Variants in ADAMTS18 observed in about 807,000 individuals in gnomAD.
The protein encoded by ADAMTS18 is A disintegrin and metalloproteinase with thrombospondin motifs 18.
In ADAMTS18, 157 loss-of-function variants were observed where a neutral mutation model predicts 165.9. That is an observed-to-expected ratio of 0.95 (90% CI 0.83 to 1.08). The LOEUF (loss-of-function observed/expected upper bound fraction) is 1.08, where lower values mean the gene tolerates loss of function less well. Ranked by LOEUF, ADAMTS18 falls within the 50% of genes least tolerant of loss-of-function variation. The pLI, the probability that ADAMTS18 is intolerant of heterozygous loss-of-function variation, is 0.00. For missense variants in ADAMTS18, 2,040 were observed against 1,534.0 expected, an observed-to-expected ratio of 1.33 and a Z score of -5.51; for synonymous variants, 782 against 578.2, an observed-to-expected ratio of 1.35 and a Z score of -5.06.
Position 77,319,867 on chromosome 16 carries a change from A to T in ADAMTS18, c.2514T>A (p.Asn838Lys). Residue 838 changes from asparagine to lysine, a missense_variant, in exon 16 of 23, where the codon AAT (asparagine) becomes AAA (lysine). Transcript: ENST00000282849. ...PERLYAPGPT[N>K]ETLVFEILMQ... Reference sequence around the variant, plus strand: ...GGCTTACTTCAAAGACCAGCGTCTCATTTGTGGGCCCTGGCGCGTACAGAC... The same window carrying T: ...GGCTTACTTCAAAGACCAGCGTCTCTTTTGTGGGCCCTGGCGCGTACAGAC... 6.2e-7 allele frequency: 1 copy of T among 1,613,772 alleles called. No homozygotes were observed. The highest frequency in any genetic ancestry group is 8.5e-7 in the Non-Finnish European group (1 of 1,179,642).
intron 17 of ADAMTS18, among the ~76,000 whole-genome samples, chr16:77,298,177 A>G (rs2055512360): frequency 6.6e-6 from 1 of 151,582 alleles, no homozygotes; most frequent in African/African-American, 2.4e-5. Context: ...TCAGCCCCCA[A>G]AGTGCTGGTA....
chr16:77,288,585 T>C (rs2055301078), intron 22 of ADAMTS18, among the ~76,000 whole-genome samples: 1 of 152,184 alleles, frequency 6.6e-6, no homozygotes, highest in Non-Finnish European at 1.5e-5. Context: ...CATTTAGGTA[T>C]AGTCCTAGGG....
chr16:77,288,434 C>T (rs1051804796), intron 22 of ADAMTS18, among the ~76,000 whole-genome samples: 2 of 151,508 alleles, frequency 1.3e-5, no homozygotes, highest in South Asian at 2.1e-4. Flanking sequence ...TTCTTTAGCA[C>T]GAGGCAAGCA....
At chr16:77,372,008 G>T (rs2056883072) in intron 3 of ADAMTS18, among the ~76,000 whole-genome samples, 1 of 151,996 alleles carries the variant, frequency 6.6e-6, no homozygotes, top group Non-Finnish European at 1.5e-5. Context: ...TGGCCAACAG[G>T]GGTATATGAA....
At chr16:77,287,153 A>G (rs2055269601) in intron 22 of ADAMTS18, among the ~76,000 whole-genome samples, 1 of 152,102 alleles carries the variant, frequency 6.6e-6, no homozygotes. Flanking sequence ...TAAGGGGAGG[A>G]AACTCTCACA....
chr16:77,326,689 G>A (rs1024937013), intron 12 of ADAMTS18, among the ~76,000 whole-genome samples: 4 of 152,124 alleles, frequency 2.6e-5, no homozygotes, highest in Admixed American at 1.3e-4. Flanking sequence ...AGCCTGAAAG[G>A]ATATTCTTTT....
At chr16:77,363,218 T>C (rs942004929) in intron 6 of ADAMTS18, among the ~76,000 whole-genome samples, 15 of 152,344 alleles carry the variant, frequency 9.8e-5, no homozygotes, top group African/African-American at 3.6e-4. Context: ...GTTCTGGTTT[T>C]CATAATTTGC....
At chr16:77,388,002 C>T (rs1235195206) in intron 3 of ADAMTS18, among the ~76,000 whole-genome samples, 1 of 152,190 alleles carries the variant, frequency 6.6e-6, no homozygotes, top group Non-Finnish European at 1.5e-5. Context: ...GATGGCAGAG[C>T]TTTCCACTGT....
chr16:77,336,082 C>T (rs1273709793), intron 11 of ADAMTS18, among the ~76,000 whole-genome samples, 178 bp from the exon 12 acceptor site: 1 of 152,178 alleles, frequency 6.6e-6, no homozygotes, highest in Non-Finnish European at 1.5e-5. Context: ...CTGCATTGAC[C>T]ACATCCATTT....
At chr16:77,408,283 A>G (rs2057417538) in intron 3 of ADAMTS18, among the ~76,000 whole-genome samples, 1 of 152,208 alleles carries the variant, frequency 6.6e-6, no homozygotes, top group Admixed American at 6.5e-5. Context: ...ACCACTTCAG[A>G]AAACTGACAT....
intron 4 of ADAMTS18, among the ~76,000 whole-genome samples, chr16:77,366,418 C>T (rs2056794665): frequency 1.3e-5 from 2 of 151,974 alleles, no homozygotes; most frequent in Non-Finnish European, 2.9e-5. Flanking sequence ...ATTAGCTTGG[C>T]GTGCTGGCGT....
chr16:77,291,276 G>A lies in ADAMTS18; in HGVS notation c.3392C>T (p.Pro1131Leu), dbSNP rs376770364. ...YNMVAGWYSLPWQQCTVTCGG... is the reference protein window; with the variant it reads ...YNMVAGWYSLLWQQCTVTCGG... ...TCGGCCTGTACCCACCTGCTGCCAC[G>A]GCAATGAATACCATCCAGCTACCAT... The change falls in exon 21 of 23, where the codon CCG becomes CTG. Residue 1131 changes from proline (P) to leucine (L), a missense_variant. Pro to Leu is a moderately conservative substitution (Grantham distance 98, BLOSUM62 -3). Transcript: ENST00000282849. 5.0e-6 allele frequency: 8 copies of A among 1,613,872 alleles called. No homozygotes were observed. The African/African-American group carries it at 6.7e-5, about 13-fold the overall frequency.
chr16:77,382,809 G>A (rs2057050985), intron 3 of ADAMTS18, among the ~76,000 whole-genome samples: 1 of 152,212 alleles, frequency 6.6e-6, no homozygotes, highest in African/African-American at 2.4e-5. Context: ...ATGGGAACAT[G>A]CAGCCAACCT....
intron 13 of ADAMTS18, among the ~76,000 whole-genome samples, chr16:77,323,543 G>C (rs976610921): frequency 6.4e-5 from 9 of 140,010 alleles, no homozygotes; most frequent in African/African-American, 2.4e-4. Flanking sequence ...AAATTAACAA[G>C]TTTTAGAAAG....
intron 7 of ADAMTS18, among the ~76,000 whole-genome samples, chr16:77,360,174 G>T (rs1020319551): frequency 6.6e-6 from 1 of 152,204 alleles, no homozygotes; most frequent in South Asian, 2.1e-4. Flanking sequence ...CAAGACGGAA[G>T]TGAGATCAGC....
intron 14 of ADAMTS18, 42 bp downstream of exon 14, chr16:77,322,294 A>C (rs374057685): frequency 1.9e-6 from 3 of 1,611,682 alleles, no homozygotes; most frequent in African/African-American, 1.3e-5. Context: ...ATGATAAAAC[A>C]CAAGCATGCT....
At chr16:77,307,207 C>T (rs2055697434) in intron 16 of ADAMTS18, among the ~76,000 whole-genome samples, 1 of 152,172 alleles carries the variant, frequency 6.6e-6, no homozygotes, top group Admixed American at 6.5e-5. Context: ...GCCCAAATTG[C>T]ACCTTACACT....
chr16:77,385,456 A>C (rs1235795279), intron 3 of ADAMTS18, among the ~76,000 whole-genome samples: 1 of 152,130 alleles, frequency 6.6e-6, no homozygotes, highest in Non-Finnish European at 1.5e-5. Flanking sequence ...CAGGGATTCC[A>C]ATTTTTGGAA....
intron 21 of ADAMTS18, among the ~76,000 whole-genome samples, chr16:77,289,932 T>C (rs777969171): frequency 2.0e-5 from 3 of 152,136 alleles, no homozygotes; most frequent in Non-Finnish European, 4.4e-5. Context: ...CAGTGTGCAA[T>C]TAAAAATTTT....
Sources: gnomAD v4.1 joint callset for allele counts (sites outside exome capture counted in the v4.1 genomes callset) on GRCh38, gnomAD v4.1.1 for gene constraint, MANE v1.5 for transcripts, NCBI Gene and HGNC (gene_info 2026-07-23, HGNC 2026-07-21) for gene names.